The following MARCHF1 variants were observed in gnomAD, a reference collection of about 807,000 sequenced individuals.
MARCHF1 encodes membrane associated ring-CH-type finger 1.
Under a neutral mutation model 54.2 loss-of-function variants are expected in MARCHF1, and 40 were observed. That is an observed-to-expected ratio of 0.74 (90% CI 0.57 to 0.96). The LOEUF is 0.96. Among genes scored for constraint, MARCHF1 ranks in the 40% least tolerant of loss-of-function variants. The pLI is 0.00. For synonymous variants in MARCHF1, 236 were observed against 236.3 expected, an observed-to-expected ratio of 1.00 and a Z score of 0.01; for missense variants, 586 against 656.5, an observed-to-expected ratio of 0.89 and a Z score of 1.17.
intron 5 of MARCHF1, among the ~76,000 whole-genome samples, chr4:163,688,846 T>C (rs1744353759): frequency 6.6e-6 from 1 of 152,206 alleles, no homozygotes; most frequent in African/African-American, 2.4e-5. Context: ...CATCAGAGAT[T>C]CGTTATACTG....
At chr4:164,373,866 G>C (rs1295545971) in intron 1 of MARCHF1, among the ~76,000 whole-genome samples, 1 of 152,038 alleles carries the variant, frequency 6.6e-6, no homozygotes, top group Non-Finnish European at 1.5e-5. Flanking sequence ...CTACTGAACT[G>C]TTCCCACCAT....
At chr4:163,827,468 A>G (rs1045625363) in intron 4 of MARCHF1, among the ~76,000 whole-genome samples, 8 of 152,162 alleles carry the variant, frequency 5.3e-5, no homozygotes, top group African/African-American at 1.9e-4. Flanking sequence ...TATTTGACAT[A>G]AGATATAAAT....
At chr4:163,575,559 G>T (rs968873432) in intron 8 of MARCHF1, among the ~76,000 whole-genome samples, 2 of 152,142 alleles carry the variant, frequency 1.3e-5, no homozygotes, top group East Asian at 3.9e-4. Flanking sequence ...AGTGATGCTG[G>T]CTTCATAGAA....
intron 1 of MARCHF1, among the ~76,000 whole-genome samples, chr4:164,135,949 T>A (rs777731169): frequency 6.6e-6 from 1 of 152,180 alleles, no homozygotes; most frequent in Non-Finnish European, 1.5e-5. Context: ...TTTTTTATAC[T>A]TAAGCCCTAG....
chr4:163,896,022 T>C (rs991986777), intron 3 of MARCHF1, among the ~76,000 whole-genome samples: 3 of 152,198 alleles, frequency 2.0e-5, no homozygotes, highest in Non-Finnish European at 4.4e-5. Context: ...ATCATTGTTT[T>C]GTAAAATAAA....
At chr4:163,851,408 G>A (rs1399533294) in intron 4 of MARCHF1, among the ~76,000 whole-genome samples, 2 of 152,132 alleles carry the variant, frequency 1.3e-5, no homozygotes, top group Non-Finnish European at 2.9e-5. Context: ...ATGGTTTATT[G>A]TGGATTCCCT....
intron 4 of MARCHF1, among the ~76,000 whole-genome samples, chr4:163,707,877 C>A (rs1169549374): frequency 1.3e-5 from 2 of 151,038 alleles, no homozygotes; most frequent in African/African-American, 4.9e-5. Context: ...ACTCTTCTAG[C>A]TTCTGTTCTG....
At chr4:164,141,410 T>C (rs888250062) in intron 1 of MARCHF1, among the ~76,000 whole-genome samples, 1 of 152,114 alleles carries the variant, frequency 6.6e-6, no homozygotes, top group Non-Finnish European at 1.5e-5. Context: ...CAAAGAAGAG[T>C]CACATACTAA....
At chr4:164,351,071 G>A (rs551411529) in intron 1 of MARCHF1, among the ~76,000 whole-genome samples, 2 of 152,176 alleles carry the variant, frequency 1.3e-5, no homozygotes, top group African/African-American at 4.8e-5. Context: ...AAAAAACGGC[G>A]CACCACAAGA....
chr4:163,605,277 T>A (rs552905116), intron 7 of MARCHF1, among the ~76,000 whole-genome samples: 6 of 152,244 alleles, frequency 3.9e-5, no homozygotes, highest in African/African-American at 1.4e-4. Flanking sequence ...AAAGAAGACA[T>A]TTATGCAGCC....
At chr4:163,924,766 A>AGGCTCAAT (rs1751502947) in intron 3 of MARCHF1, among the ~76,000 whole-genome samples, 2 of 152,000 alleles carry the variant, frequency 1.3e-5, no homozygotes, top group Admixed American at 6.6e-5. Flanking sequence ...AGAAAGGTTT[A>AGGCTCAAT]ATCCAAAGTC....
At chr4:163,945,948 C>T (rs1265733093) in intron 3 of MARCHF1, among the ~76,000 whole-genome samples, 1 of 151,586 alleles carries the variant, frequency 6.6e-6, no homozygotes, top group East Asian at 1.9e-4. Flanking sequence ...GTTTTTAGGT[C>T]TCTGTTATGG....
rs1263482626 is a variant in MARCHF1 at position 164,189,522 on chromosome 4, G to T, written c.-322-77860C>A. Reference sequence around the variant, plus strand: ...TTAAAAAGTCCTTCAATGGCAAGGAGTCCTCCCATGGCATAAACCCAGATG... The same window carrying T: ...TTAAAAAGTCCTTCAATGGCAAGGATTCCTCCCATGGCATAAACCCAGATG... On this transcript the variant is annotated intron_variant, in intron 1 of 9. Coordinates refer to ENST00000514618, the MANE Select transcript of MARCHF1 (RefSeq NM_001394959.1). The T allele has an allele frequency of 6.4e-6, 5 of 781,926 alleles. No individual in the cohort carries two copies. In the East Asian group the frequency reaches 1.2e-4, roughly 19 times the overall value. The allele number at this position is 781,926 out of a possible 1,614,324, so 48.4% of individuals were successfully genotyped here. A position where few individuals can be genotyped will look rare whatever the true frequency, so the allele number is the denominator to read the frequency against.
chr4:163,639,528 G>A (rs1299460482), intron 5 of MARCHF1, among the ~76,000 whole-genome samples: 1 of 152,106 alleles, frequency 6.6e-6, no homozygotes, highest in East Asian at 1.9e-4. Context: ...AAAATTCAGT[G>A]TAACAGAAAA....
intron 3 of MARCHF1, 142 bp downstream of exon 3, chr4:163,988,359 T>C (rs980974052): frequency 1.3e-5 from 2 of 152,244 alleles, no homozygotes; most frequent in Non-Finnish European, 2.9e-5. Flanking sequence ...CAGTTATAAG[T>C]AATTCTCTTC....
intron 4 of MARCHF1, among the ~76,000 whole-genome samples, chr4:163,821,368 T>G (rs1353665984): frequency 6.6e-6 from 1 of 151,994 alleles, no homozygotes; most frequent in Non-Finnish European, 1.5e-5. Context: ...TCTCTCCAAT[T>G]AGACCATGAC....
intron 1 of MARCHF1, among the ~76,000 whole-genome samples, chr4:164,196,468 T>C (rs1224754776): frequency 6.6e-6 from 1 of 152,190 alleles, no homozygotes; most frequent in East Asian, 1.9e-4. Context: ...ATTATTTCCT[T>C]ATTAATAAAT....
Position 163,965,102 on chromosome 4 carries a change from A to C in MARCHF1, c.-39+23399T>G, listed in dbSNP as rs1357975904. Among the ~76,000 whole-genome samples the C allele has an allele frequency of 2.6e-5, 4 of 152,060 alleles. No individual in the cohort carries two copies. The East Asian group carries it at 7.7e-4, about 29-fold the overall frequency. ...TATTTTTAAGAGGTTCAAAAAACTC[A>C]GATCTTAGGAGATGTTTATTAAGCA... On this transcript the variant is annotated intron_variant, in intron 3 of 9. Coordinates refer to ENST00000514618, the MANE Select transcript of MARCHF1 (RefSeq NM_001394959.1).
intron 4 of MARCHF1, among the ~76,000 whole-genome samples, chr4:163,773,342 A>T (rs576801963): frequency 6.6e-6 from 1 of 152,298 alleles, no homozygotes; most frequent in South Asian, 2.1e-4. Context: ...AAATGTGCTA[A>T]ATTTTTATTT....
Sources: allele counts gnomAD v4.1 joint callset (sites outside exome capture counted in the v4.1 genomes callset), GRCh38; gene constraint gnomAD v4.1.1; transcripts MANE v1.5; gene names NCBI Gene and HGNC (gene_info 2026-07-23, HGNC 2026-07-21).